Variants in CEP128 observed in about 807,000 individuals in gnomAD.
CEP128 encodes centrosomal protein 128kDa.
CEP128 carries 132 observed loss-of-function variants against 156.7 expected under a neutral mutation model. That is an observed-to-expected ratio of 0.84 (90% CI 0.73 to 0.97). The LOEUF is 0.97. Among genes scored for constraint, CEP128 ranks in the 50% least tolerant of loss-of-function variants. CEP128 has a pLI of 0.00. For missense variants in CEP128, 1,252 were observed against 1,281.9 expected (o/e 0.98, Z 0.36); for synonymous variants, 469 against 448.9 (o/e 1.04, Z -0.57).
intron 19 of CEP128, among the ~76,000 whole-genome samples, chr14:80,684,274 T>C (rs1037749308): frequency 5.9e-5 from 9 of 152,070 alleles, no homozygotes; most frequent in Non-Finnish European, 1.0e-4. Context: ...TTACAGCCAT[T>C]CTCACAGAAA....
At chr14:80,935,599 T>TAAAA (rs1555364929) in intron 2 of CEP128, among the ~76,000 whole-genome samples, 62 of 46,274 alleles carry the variant, frequency 1.3e-3, no homozygotes, top group Admixed American at 4.6e-3. Flanking sequence ...AATAAATAAA[T>TAAAA]AAAAATAAAG....
chr14:80,518,228 G>T (rs1422767139), intron 23 of CEP128, among the ~76,000 whole-genome samples: 2 of 150,958 alleles, frequency 1.3e-5, no homozygotes, highest in African/African-American at 4.9e-5. Flanking sequence ...TAGCCTAATT[G>T]GTATTTTAGT....
intron 4 of CEP128, among the ~76,000 whole-genome samples, chr14:80,907,657 CAAAAA>C (rs67715110): frequency 3.1e-5 from 2 of 64,624 alleles, no homozygotes; most frequent in Non-Finnish European, 3.0e-5. Flanking sequence ...GACTCTGTTT[CAAAAA>C]AAAAAAAAAA....
At chr14:80,694,933 A>G (rs1423595022) in intron 19 of CEP128, among the ~76,000 whole-genome samples, 1 of 151,698 alleles carries the variant, frequency 6.6e-6, no homozygotes, top group South Asian at 2.1e-4. Flanking sequence ...AAAAAAAAAA[A>G]CTTGTTTTCC....
At chr14:80,868,372 A>T (rs909142806) in intron 8 of CEP128, among the ~76,000 whole-genome samples, 11 of 152,188 alleles carry the variant, frequency 7.2e-5, no homozygotes, top group African/African-American at 2.7e-4. Context: ...TCAATAATGT[A>T]AAATGGGAGG....
At chr14:80,803,836 T>A (rs1290310052) in intron 13 of CEP128, among the ~76,000 whole-genome samples, 1 of 152,204 alleles carries the variant, frequency 6.6e-6, no homozygotes, top group Non-Finnish European at 1.5e-5. Flanking sequence ...AGCCACTTGT[T>A]CAATTTATTC....
chr14:80,611,444 C>T (rs1299091984), intron 19 of CEP128, among the ~76,000 whole-genome samples: 2 of 152,020 alleles, frequency 1.3e-5, no homozygotes, highest in East Asian at 3.9e-4. Context: ...CAAGATACCT[C>T]AATGAACTAC....
At chr14:80,553,470 C>T (rs544911733) in intron 21 of CEP128, among the ~76,000 whole-genome samples, 4 of 152,204 alleles carry the variant, frequency 2.6e-5, no homozygotes, top group Non-Finnish European at 5.9e-5. Context: ...TACGTATTTC[C>T]GTTTCTGGGT....
At chr14:80,805,022 C>CATGT (rs1884093760) in intron 13 of CEP128, among the ~76,000 whole-genome samples, 1 of 152,036 alleles carries the variant, frequency 6.6e-6, no homozygotes, top group Non-Finnish European at 1.5e-5. Flanking sequence ...TCATGTACAA[C>CATGT]CCAATAGCAA....
intron 3 of CEP128, among the ~76,000 whole-genome samples, chr14:80,915,651 G>C (rs1259836977): frequency 1.3e-5 from 2 of 152,034 alleles, no homozygotes; most frequent in Non-Finnish European, 2.9e-5. Flanking sequence ...AATTAAAATG[G>C]CACCTCTTTA....
chr14:80,669,094 T>C (rs969486882), intron 19 of CEP128, among the ~76,000 whole-genome samples: 2 of 151,500 alleles, frequency 1.3e-5, no homozygotes, highest in Admixed American at 1.3e-4. Flanking sequence ...AAATTGGATA[T>C]CCATATGCAA....
At chr14:80,816,315 G>A (rs1223283496) in intron 13 of CEP128, among the ~76,000 whole-genome samples, 2 of 152,030 alleles carry the variant, frequency 1.3e-5, no homozygotes, top group East Asian at 1.9e-4. Flanking sequence ...CCCACAGAGC[G>A]GCAGGCCCCT....
At chr14:80,626,961 A>C (rs528144794) in intron 19 of CEP128, among the ~76,000 whole-genome samples, 20 of 152,120 alleles carry the variant, frequency 1.3e-4, no homozygotes, top group Non-Finnish European at 2.4e-4. Flanking sequence ...TCAAGCATAC[A>C]TTTTAACCAC....
rs539820556 is a variant in CEP128 at position 80,810,403 on chromosome 14, CATATCA to C, written c.1210-17299_1210-17294del. Among the ~76,000 whole-genome samples the C allele has an allele frequency of 6.0e-3, 876 of 147,070 alleles. 11 individuals carry two copies. Among genetic ancestry groups the C allele is most frequent in the Non-Finnish European group, 8.7e-3 (579 of 66,626 alleles). ...ACAATTCGACAAGAAAAAAAACTCA[CATATCA>C]ATAATATACCTGAATGTAATTAAAT... On this transcript the variant is annotated intron_variant, in intron 13 of 24. Transcript: ENST00000555265.
intron 16 of CEP128, among the ~76,000 whole-genome samples, chr14:80,772,085 C>T (rs993521392): frequency 5.3e-5 from 8 of 152,140 alleles, no homozygotes; most frequent in African/African-American, 1.9e-4. Flanking sequence ...ACAGTACACA[C>T]GGAAATATGG....
chr14:80,914,458 C>G, intron 3 of CEP128, 50 bp from the exon 4 acceptor site: 1 of 1,383,566 alleles, frequency 7.2e-7, no homozygotes, highest in Non-Finnish European at 1.0e-6. Flanking sequence ...CTTTTTTTTC[C>G]TAATCAATCT....
intron 21 of CEP128, among the ~76,000 whole-genome samples, chr14:80,534,448 G>A (rs955526301): frequency 6.6e-6 from 1 of 152,132 alleles, no homozygotes; most frequent in Non-Finnish European, 1.5e-5. Context: ...CAGAGTCAGG[G>A]AAATATTTTG....
At chr14:80,597,223 G>T (rs941740728) in intron 19 of CEP128, among the ~76,000 whole-genome samples, 9 of 152,028 alleles carry the variant, frequency 5.9e-5, no homozygotes, top group African/African-American at 1.7e-4. Context: ...AGGGTGAAGA[G>T]AAAACACAAT....
Position 80,752,715 on chromosome 14 carries a change from T to C in CEP128, c.2613+4177A>G, listed in dbSNP as rs998359974. 3.9e-5 allele frequency among the ~76,000 whole-genome samples: 6 copies of C among 152,324 alleles called. No homozygotes were observed. In the East Asian group the frequency reaches 5.8e-4, roughly 15 times the overall value. Reference sequence around the variant, plus strand: ...GGATTACACAACCAAGGGAGACAAATGATGGAACAGAGTTCCGAGACCTGA... The same window carrying C: ...GGATTACACAACCAAGGGAGACAAACGATGGAACAGAGTTCCGAGACCTGA... On this transcript the variant is annotated intron_variant, in intron 18 of 24. Transcript: ENST00000555265.
Sources: allele counts gnomAD v4.1 joint callset (sites outside exome capture counted in the v4.1 genomes callset), GRCh38; gene constraint gnomAD v4.1.1; transcripts MANE v1.5; gene names NCBI Gene and HGNC (gene_info 2026-07-23, HGNC 2026-07-21).